The following JAK1 variants were observed in gnomAD, a reference collection of about 807,000 sequenced individuals.
JAK1 encodes the protein tyrosine-protein kinase JAK1.
Under a neutral mutation model 136.6 loss-of-function variants are expected in JAK1, and 16 were observed. That is an observed-to-expected ratio of 0.12 (90% CI 0.08 to 0.18). The LOEUF (loss-of-function observed/expected upper bound fraction) is 0.18, where lower values mean the gene tolerates loss of function less well. Ranked by LOEUF, JAK1 falls within the 10% of genes least tolerant of loss-of-function variation. The pLI is 1.00. For missense variants in JAK1, 859 were observed against 1,450.1 expected (o/e 0.59, Z 6.62); for synonymous variants, 492 against 519.5 (o/e 0.95, Z 0.72).
intron 2 of JAK1, among the ~76,000 whole-genome samples, chr1:64,999,168 G>T (rs1248871590): frequency 6.6e-6 from 1 of 152,042 alleles, no homozygotes; most frequent in African/African-American, 2.4e-5. Context: ...GACCTTGAAG[G>T]CTCTATAAAT....
intron 1 of JAK1, among the ~76,000 whole-genome samples, chr1:64,956,308 T>C (rs1316171758): frequency 6.6e-6 from 1 of 152,206 alleles, no homozygotes; most frequent in African/African-American, 2.4e-5. Flanking sequence ...ACGGTATCAA[T>C]CTTGGAGCAG....
intron 2 of JAK1, among the ~76,000 whole-genome samples, chr1:64,976,913 C>T (rs891767698): frequency 1.3e-5 from 2 of 152,082 alleles, no homozygotes; most frequent in Non-Finnish European, 2.9e-5. Context: ...GGTATTAGAT[C>T]GTGTGTCTTG....
At position 64,902,583 on chromosome 1, in the gene JAK1, A is replaced by AGAGAGTGT; in HGVS notation, c.-77-16243_-77-16242insACACTCTC. ...GAGAGAGAGAGAGAGAGAGAGAGAG[A>AGAGAGTGT]GTGTGTGTGTGTGTGTGTGTGTGTG... On this transcript the variant is annotated intron_variant, in intron 1 of 24. Transcript: ENST00000342505. 5.4e-3 allele frequency among the ~76,000 whole-genome samples: 399 copies of AGAGAGTGT among 73,780 alleles called. 3 individuals are homozygous for AGAGAGTGT. Among genetic ancestry groups the AGAGAGTGT allele is most frequent in the South Asian group, 0.015 (23 of 1,572 alleles). 48.4% of individuals were successfully genotyped at this position (73,780 alleles called of 152,430 possible).
intron 1 of JAK1, among the ~76,000 whole-genome samples, chr1:64,912,206 A>T (rs1030810850): frequency 6.6e-6 from 1 of 152,120 alleles, no homozygotes; most frequent in African/African-American, 2.4e-5. Context: ...CAATTTTTTG[A>T]ACTCTCCAGG....
chr1:65,017,499 G>A (rs1646900658), intron 2 of JAK1, among the ~76,000 whole-genome samples: 1 of 151,820 alleles, frequency 6.6e-6, no homozygotes, highest in African/African-American at 2.4e-5. Flanking sequence ...AATCATTAGA[G>A]GATTCAAACA....
Position 64,864,989 on chromosome 1 carries a change from A to C in JAK1, c.991-17T>G. 1 of 1,599,672 alleles carries C rather than the reference A, an allele frequency of 6.3e-7. No individual in the cohort carries two copies. The highest frequency in any genetic ancestry group is 8.5e-7 in the Non-Finnish European group (1 of 1,169,882). ...AGAAACAACCTGATAAGATACATAAAAGGGACAGGGTTAAGTTGCTTTCTT... is the reference window on the plus strand; with the variant it reads ...AGAAACAACCTGATAAGATACATAACAGGGACAGGGTTAAGTTGCTTTCTT... On this transcript the variant is annotated splice_polypyrimidine_tract_variant and intron_variant, in intron 7 of 24. Transcript: ENST00000342505.
At chr1:64,989,916 C>A (rs796915446) in intron 2 of JAK1, 16 of 152,318 alleles carry the variant, frequency 1.1e-4, no homozygotes, top group African/African-American at 3.6e-4. Context: ...AAGGAGGGCC[C>A]CAGTACACGC....
intron 2 of JAK1, among the ~76,000 whole-genome samples, chr1:65,038,392 C>T (rs1647097357): frequency 6.6e-6 from 1 of 151,142 alleles, no homozygotes; most frequent in African/African-American, 2.4e-5. Context: ...AGAGACGGGG[C>T]TTCCCCATGT....
upstream of JAK1, among the ~76,000 whole-genome samples, chr1:64,968,752 C>T (rs1224483142): frequency 2.0e-5 from 3 of 151,900 alleles, no homozygotes; most frequent in African/African-American, 7.3e-5. Flanking sequence ...GCCAACATGG[C>T]GAAACCCCAT....
intron 20 of JAK1, among the ~76,000 whole-genome samples, chr1:64,838,884 G>A (rs570318993): frequency 1.3e-5 from 2 of 152,146 alleles, no homozygotes; most frequent in African/African-American, 2.4e-5. Flanking sequence ...GGTGGCTCAC[G>A]CTTGTAATCC....
intron 1 of JAK1, among the ~76,000 whole-genome samples, chr1:64,889,311 C>A (rs1482441374): frequency 1.3e-5 from 2 of 152,084 alleles, no homozygotes; most frequent in Non-Finnish European, 2.9e-5. Context: ...GGGTTCAATT[C>A]CCAACTCAAA....
In JAK1 at chr1:64,975,229, A is replaced by G. The variant is rs541704115; in HGVS notation, c.-78+69251T>C. Among the ~76,000 whole-genome samples the G allele has an allele frequency of 3.3e-5, 5 of 152,242 alleles. No homozygotes were observed. In the East Asian group the frequency reaches 7.7e-4, roughly 24 times the overall value. On this transcript the variant is annotated intron_variant, in intron 2 of 25. Transcript: ENST00000671954. ...ATCAGCCTTAGCCTCCTCTGTAGCT[A>G]GGACTATAGGCATGCACCACTGCAC...
chr1:64,957,313 A>G lies in JAK1; in HGVS notation c.-78+9020T>C, dbSNP rs569358218. On this transcript the variant is annotated intron_variant, in intron 1 of 24. Coordinates refer to ENST00000342505, the MANE Select transcript of JAK1 (RefSeq NM_002227.4). ...AAACTTCAACTTCCCCTAATGCATT[A>G]TAAGGCCCAAAAGTAATAAAGCACA... Among the ~76,000 whole-genome samples the G allele has an allele frequency of 2.6e-5, 4 of 152,328 alleles. No individual in the cohort carries two copies. The South Asian group carries it at 8.3e-4, about 32-fold the overall frequency.
chr1:64,847,800 G>T, intron 12 of JAK1, 125 bp from the exon 13 acceptor site: 2 of 1,069,788 alleles, frequency 1.9e-6, no homozygotes, highest in Non-Finnish European at 2.7e-6. Flanking sequence ...AGGGCTCCCT[G>T]CCCCAGCTCG....
At chr1:64,889,644 G>A (rs751177518) in intron 1 of JAK1, among the ~76,000 whole-genome samples, 10 of 152,206 alleles carry the variant, frequency 6.6e-5, no homozygotes, top group South Asian at 2.1e-4. Flanking sequence ...CTGTGGGTTG[G>A]AACAAAGCCT....
At chr1:64,967,185 G>C (rs781381544), upstream of JAK1, among the ~76,000 whole-genome samples, 1 of 152,094 alleles carries the variant, frequency 6.6e-6, no homozygotes, top group Non-Finnish European at 1.5e-5. Flanking sequence ...TATCCATGAG[G>C]AACAAATTAA....
At chr1:65,025,121 G>A (rs1463496073) in intron 2 of JAK1, among the ~76,000 whole-genome samples, 1 of 152,146 alleles carries the variant, frequency 6.6e-6, no homozygotes, top group Non-Finnish European at 1.5e-5. Flanking sequence ...GTTCTTCCAG[G>A]TTCAGGCCCA....
intron 2 of JAK1, among the ~76,000 whole-genome samples, chr1:64,995,690 C>CA (rs1646698090): frequency 2.0e-5 from 3 of 152,276 alleles, no homozygotes; most frequent in African/African-American, 7.2e-5. Flanking sequence ...ACATTGCCTT[C>CA]AGTTTATAAG....
In JAK1 at chr1:64,866,991, A is replaced by G; in HGVS notation, c.865T>C (p.Ser289Pro). 6.2e-7 allele frequency: 1 copy of G among 1,614,190 alleles called. No individual in the cohort carries two copies. Among genetic ancestry groups the G allele is most frequent in the Middle Eastern group, 1.6e-4 (1 of 6,062 alleles). ...KHYGAEIFET[S>P]MLLISSENEM... ...TTTTCTGATGAAATCAGTAACATGG[A>G]AGTCTCAAATATTTCAGCACCGTAA... is the stretch of plus-strand genomic sequence containing the variant. The change falls in exon 7 of 25, where the codon TCC (serine) becomes CCC (proline). Residue 289 changes from serine to proline, a missense_variant. By Grantham distance (74) the Ser-to-Pro change is moderately conservative. Coordinates refer to ENST00000342505, the MANE Select transcript of JAK1 (RefSeq NM_002227.4).
Sources: gnomAD v4.1 joint callset for allele counts (sites outside exome capture counted in the v4.1 genomes callset) on GRCh38, gnomAD v4.1.1 for gene constraint, MANE v1.5 for transcripts, NCBI Gene and HGNC (gene_info 2026-07-23, HGNC 2026-07-21) for gene names.